The following SCMH1 variants were observed in gnomAD, a reference collection of about 807,000 sequenced individuals.
The protein encoded by SCMH1 is polycomb protein SCMH1.
Under a neutral mutation model 70.8 loss-of-function variants are expected in SCMH1, and 37 were observed. That is an observed-to-expected ratio of 0.52 (90% confidence interval 0.40 to 0.69). SCMH1 has a LOEUF of 0.69. SCMH1 is among the 30% of genes least tolerant of loss of function. SCMH1 has a pLI of 0.00. For synonymous variants in SCMH1, 292 were observed against 307.4 expected (o/e 0.95, Z 0.52); for missense variants, 607 against 827.3 (o/e 0.73, Z 3.27).
intron 13 of SCMH1, among the ~76,000 whole-genome samples, chr1:41,036,270 G>A (rs893706408): frequency 1.3e-5 from 2 of 152,164 alleles, no homozygotes; most frequent in African/African-American, 4.8e-5. Context: ...GCCACTGCCT[G>A]TTAGATGTCA....
chr1:41,111,682 AGCAGTCT>A (rs1225075722), intron 8 of SCMH1, among the ~76,000 whole-genome samples: 1 of 152,120 alleles, frequency 6.6e-6, no homozygotes, highest in African/African-American at 2.4e-5. Flanking sequence ...TTCTAGTCAC[AGCAGTCT>A]GCTTTCTGCC....
At chr1:41,179,574 T>C (rs1309784577) in intron 2 of SCMH1, among the ~76,000 whole-genome samples, 1 of 152,118 alleles carries the variant, frequency 6.6e-6, no homozygotes, top group African/African-American at 2.4e-5. Flanking sequence ...CATCAGAGAA[T>C]ACTATAAACA....
At chr1:41,185,760 C>G (rs1397453391) in intron 2 of SCMH1, among the ~76,000 whole-genome samples, 1 of 151,734 alleles carries the variant, frequency 6.6e-6, no homozygotes, top group African/African-American at 2.4e-5. Flanking sequence ...CTCAGCCTCC[C>G]AAGTAGCTGG....
At chr1:41,116,743 G>A (rs944005384) in intron 7 of SCMH1, among the ~76,000 whole-genome samples, 179 bp downstream of exon 7, 1 of 150,172 alleles carries the variant, frequency 6.7e-6, no homozygotes, top group Non-Finnish European at 1.5e-5. Context: ...TCTAATCTAT[G>A]GGACCTTATA....
chr1:41,241,900 A>G (rs1346878239), intron 1 of SCMH1, among the ~76,000 whole-genome samples, 159 bp downstream of exon 1: 1 of 151,624 alleles, frequency 6.6e-6, no homozygotes, highest in Non-Finnish European at 1.5e-5. Context: ...CCCCGCGCGG[A>G]CCACAGACTG....
At chr1:41,057,358 C>A (rs560832744) in intron 10 of SCMH1, among the ~76,000 whole-genome samples, 10 of 152,176 alleles carry the variant, frequency 6.6e-5, no homozygotes, top group Non-Finnish European at 1.5e-4. Context: ...CTCCGCCTCC[C>A]GGGTTCAAGC....
At chr1:41,105,029 C>A (rs983977198) in intron 8 of SCMH1, among the ~76,000 whole-genome samples, 1 of 152,104 alleles carries the variant, frequency 6.6e-6, no homozygotes, top group Non-Finnish European at 1.5e-5. Context: ...AATCTCGGCT[C>A]ACTGTAACCT....
chr1:41,235,945 T>C (rs1048425481), intron 1 of SCMH1, among the ~76,000 whole-genome samples: 2 of 152,238 alleles, frequency 1.3e-5, no homozygotes, highest in African/African-American at 4.8e-5. Flanking sequence ...TTCACTATTG[T>C]ATGGAATTCT....
intron 1 of SCMH1, among the ~76,000 whole-genome samples, chr1:41,236,373 T>C (rs1662381734): frequency 6.6e-6 from 1 of 152,138 alleles, no homozygotes; most frequent in African/African-American, 2.4e-5. Flanking sequence ...ACTCAGGAGA[T>C]AGCCTGGCTT....
At chr1:41,107,657 C>A (rs967731773) in intron 8 of SCMH1, among the ~76,000 whole-genome samples, 2 of 152,058 alleles carry the variant, frequency 1.3e-5, no homozygotes, top group African/African-American at 4.8e-5. Flanking sequence ...GTAGCTGGGA[C>A]TACAGGTGGG....
At chr1:41,222,989 G>C (rs1308316911) in intron 1 of SCMH1, among the ~76,000 whole-genome samples, 2 of 152,032 alleles carry the variant, frequency 1.3e-5, no homozygotes, top group African/African-American at 4.8e-5. Flanking sequence ...TTATTTGTCT[G>C]ATTCCTCTAC....
At chr1:41,193,591 A>T (rs1481157716) in intron 1 of SCMH1, among the ~76,000 whole-genome samples, 1 of 152,152 alleles carries the variant, frequency 6.6e-6, no homozygotes, top group African/African-American at 2.4e-5. Context: ...AAGAAAGACA[A>T]ATAGGCATTT....
chr1:41,032,785 C>G (rs1644718027), intron 13 of SCMH1, among the ~76,000 whole-genome samples: 1 of 152,022 alleles, frequency 6.6e-6, no homozygotes, highest in African/African-American at 2.4e-5. Context: ...CAAGGCCAGC[C>G]TGGCCAACAT....
intron 10 of SCMH1, among the ~76,000 whole-genome samples, chr1:41,062,746 A>G: frequency 6.6e-6 from 1 of 150,524 alleles, no homozygotes; most frequent in East Asian, 1.9e-4. Context: ...CTCAGAAAAA[A>G]AAAAAAAAAA....
intron 8 of SCMH1, among the ~76,000 whole-genome samples, chr1:41,095,538 A>G (rs1664837612): frequency 6.6e-6 from 1 of 152,222 alleles, no homozygotes; most frequent in African/African-American, 2.4e-5. Context: ...TGTAACTGGT[A>G]TATGACAGTG....
chr1:41,077,149 A>G (rs1025461553), intron 8 of SCMH1, among the ~76,000 whole-genome samples: 3 of 152,172 alleles, frequency 2.0e-5, no homozygotes, highest in African/African-American at 4.8e-5. Flanking sequence ...AGCTGTCATG[A>G]GGAAGACACC....
At chr1:41,192,493 G>GACACACACACAC (rs1491283443) in intron 1 of SCMH1, among the ~76,000 whole-genome samples, 2 of 68,938 alleles carry the variant, frequency 2.9e-5, no homozygotes, top group Non-Finnish European at 3.7e-5. Context: ...GATTAAATAG[G>GACACACACACAC]AGACACACAC....
intron 13 of SCMH1, among the ~76,000 whole-genome samples, chr1:41,030,440 C>T (rs955630319): frequency 7.9e-5 from 12 of 152,184 alleles, no homozygotes; most frequent in African/African-American, 2.9e-4. Context: ...GCTTCAAACA[C>T]ACTAGCCTTC....
At chr1:41,235,809 G>A (rs1462783222) in intron 1 of SCMH1, among the ~76,000 whole-genome samples, 1 of 152,008 alleles carries the variant, frequency 6.6e-6, no homozygotes, top group African/African-American at 2.4e-5. Context: ...TATTACATAA[G>A]TATGCCTCCC....
Sources: allele counts gnomAD v4.1 joint callset (sites outside exome capture counted in the v4.1 genomes callset), GRCh38; gene constraint gnomAD v4.1.1; transcripts MANE v1.5; gene names NCBI Gene and HGNC (gene_info 2026-07-23, HGNC 2026-07-21).